Variants in ZNF239 observed in about 807,000 individuals in gnomAD.
The protein encoded by ZNF239 is zinc finger protein 239.
A neutral mutation model predicts 27.5 loss-of-function variants in ZNF239; 16 were observed. The ratio of observed to expected loss-of-function variants is 0.58; its 90% CI spans 0.39 to 0.88. The LOEUF (loss-of-function observed/expected upper bound fraction) is 0.88, where lower values mean the gene tolerates loss of function less well. ZNF239 is among the 40% of genes least tolerant of loss of function. The pLI, the probability that ZNF239 is intolerant of heterozygous loss-of-function variation, is 0.00. For synonymous variants in ZNF239, 199 were observed against 192.6 expected, an observed-to-expected ratio of 1.03 and a Z score of -0.27; for missense variants, 527 against 551.9, an observed-to-expected ratio of 0.95 and a Z score of 0.45.
At chr10:43,569,661 T>G (rs1043940689) in intron 2 of ZNF239, among the ~76,000 whole-genome samples, 10 of 152,214 alleles carry the variant, frequency 6.6e-5, no homozygotes, top group African/African-American at 2.4e-4. Flanking sequence ...CCTGTATATA[T>G]CATTTTCCTG....
intron 3 of ZNF239, among the ~76,000 whole-genome samples, chr10:43,561,743 G>T (rs1057342867): frequency 3.9e-5 from 6 of 152,134 alleles, no homozygotes; most frequent in Non-Finnish European, 5.9e-5. Flanking sequence ...CAGCATTTTG[G>T]GAGGTTGAGG....
chr10:43,572,225 C>G (rs1445112921), intron 2 of ZNF239, among the ~76,000 whole-genome samples: 1 of 152,172 alleles, frequency 6.6e-6, no homozygotes, highest in Non-Finnish European at 1.5e-5. Context: ...CCAGTTGCAG[C>G]GGCAGTGAAT....
At chr10:43,563,295 G>C (rs894473597) in intron 3 of ZNF239, among the ~76,000 whole-genome samples, 2 of 151,972 alleles carry the variant, frequency 1.3e-5, no homozygotes, top group African/African-American at 4.8e-5. Flanking sequence ...CAGCCTGGGC[G>C]ACAGAGTGAG....
In ZNF239 at chr10:43,557,475, G is replaced by A; in HGVS notation, c.605C>T (p.Thr202Ile). The A allele has an allele frequency of 6.2e-7, 1 of 1,614,150 alleles. No homozygotes were observed. Among genetic ancestry groups the A allele is most frequent in the Non-Finnish European group, 8.5e-7 (1 of 1,180,002 alleles). Residue 202 changes from threonine (T) to isoleucine (I), a missense_variant, in exon 4 of 4, where the codon ACT (threonine) becomes ATT (isoleucine). Coordinates refer to ENST00000374446, the MANE Select transcript of ZNF239 (RefSeq NM_001099282.2). ...PDGHPYEKIHTAEKQYECSQC... is the reference protein window; with the variant it reads ...PDGHPYEKIHIAEKQYECSQC... The stretch of plus-strand genomic sequence containing the variant: ...ACTACATTCGTATTGTTTCTCTGCA[G>A]TGTGGATTTTCTCATATGGATGACC...
At chr10:43,570,916 G>C in intron 2 of ZNF239, 1 of 984,762 alleles carries the variant, frequency 1.0e-6, no homozygotes, top group Non-Finnish European at 1.2e-6. Context: ...CTTTGTGGTA[G>C]GTAAAAAAAA....
intron 3 of ZNF239, among the ~76,000 whole-genome samples, chr10:43,567,498 C>T (rs541185828): frequency 1.3e-5 from 2 of 152,200 alleles, no homozygotes; most frequent in Admixed American, 6.5e-5. Context: ...TCCCTGCTTT[C>T]GACACAGACT....
At position 43,558,467 on chromosome 10, in the gene ZNF239, G is replaced by C. The variant is rs75754324; in HGVS notation, c.-92-296C>G. On this transcript the variant is annotated intron_variant, in intron 3 of 3. Transcript: ENST00000374446. ...CTCATCTCACTTCATTTTTTTTTTT[G>C]AGACAGAGTTTCACTCTGCTGCCCA... 3.9e-4 allele frequency among the ~76,000 whole-genome samples: 57 copies of C among 145,906 alleles called. 2 individuals are homozygous for C. In the South Asian group the frequency reaches 0.012, roughly 31 times the overall value.
intron 1 of ZNF239, among the ~76,000 whole-genome samples, chr10:43,574,175 C>A (rs1409008141): frequency 6.6e-6 from 1 of 152,232 alleles, no homozygotes; most frequent in East Asian, 1.9e-4. Context: ...CACCGAAAAC[C>A]CCCCTGCAAT....
intron 3 of ZNF239, among the ~76,000 whole-genome samples, chr10:43,560,060 A>C (rs963892588): frequency 1.3e-5 from 2 of 152,248 alleles, no homozygotes; most frequent in African/African-American, 2.4e-5. Context: ...TCCTAATTCA[A>C]CTTAGGCATT....
In ZNF239 at chr10:43,557,614, C is replaced by CT; in HGVS notation, c.465dup (p.Asp156ArgfsTer13). 6.2e-7 allele frequency: 1 copy of CT among 1,614,194 alleles called. No homozygotes were observed. ...ACCTGTGATTTCCATCCATGAATGT[C>CT]TTTGCAGTTACAGTCAATGGGATCC... On this transcript the variant is annotated frameshift_variant, in exon 4 of 4. Coordinates refer to ENST00000374446, the MANE Select transcript of ZNF239 (RefSeq NM_001099282.2). LOFTEE classifies it high-confidence loss of function.
At chr10:43,563,610 G>A (rs1837425863) in intron 3 of ZNF239, among the ~76,000 whole-genome samples, 1 of 152,278 alleles carries the variant, frequency 6.6e-6, no homozygotes. Flanking sequence ...AAAGAAAAAT[G>A]TTGAACAAGT....
intron 3 of ZNF239, among the ~76,000 whole-genome samples, chr10:43,566,340 G>C (rs887092709): frequency 2.0e-5 from 3 of 151,894 alleles, no homozygotes; most frequent in Non-Finnish European, 4.4e-5. Context: ...GGGCAGGAGT[G>C]CAGTAGTGTC....
At chr10:43,571,733 T>G (rs1427292503) in intron 2 of ZNF239, among the ~76,000 whole-genome samples, 2 of 152,074 alleles carry the variant, frequency 1.3e-5, no homozygotes, top group East Asian at 3.9e-4. Flanking sequence ...AATTTTTGTA[T>G]TTTTAGTAGA....
intron 3 of ZNF239, among the ~76,000 whole-genome samples, chr10:43,559,790 A>G (rs555739128): frequency 2.6e-5 from 4 of 152,356 alleles, no homozygotes; most frequent in South Asian, 2.1e-4. Flanking sequence ...AAAGGCTGAT[A>G]TCATCAGAAT....
chr10:43,559,881 C>T (rs1038960625), intron 3 of ZNF239, among the ~76,000 whole-genome samples: 4 of 152,136 alleles, frequency 2.6e-5, no homozygotes, highest in Non-Finnish European at 5.9e-5. Context: ...AAATGTACAG[C>T]TCAAATTATG....
At chr10:43,563,588 C>T (rs1276898202) in intron 3 of ZNF239, among the ~76,000 whole-genome samples, 1 of 152,098 alleles carries the variant, frequency 6.6e-6, no homozygotes, top group East Asian at 1.9e-4. Context: ...ACTTTTATGT[C>T]TTACTTGCAT....
intron 3 of ZNF239, among the ~76,000 whole-genome samples, chr10:43,561,334 A>AAACAAAC (rs1837235224): frequency 2.7e-5 from 4 of 150,846 alleles, no homozygotes; most frequent in Admixed American, 2.6e-4. Context: ...CTTCAAGGAA[A>AAACAAAC]AAACAAACAA....
chr10:43,566,712 T>C (rs1837673142), intron 3 of ZNF239, among the ~76,000 whole-genome samples: 1 of 152,256 alleles, frequency 6.6e-6, no homozygotes, highest in Admixed American at 6.5e-5. Context: ...TATTTTTTAA[T>C]GGCTACATAC....
Position 43,557,091 on chromosome 10 carries a change from TGACTGAA to T in ZNF239, c.982_988del (p.Phe328SerfsTer131). ...CTGGTGGATGTGCAGGTTTGAGCGC[TGACTGAA>T]GCTCATACCACACTCCTCACACTCA... is the stretch of plus-strand genomic sequence containing the variant. On this transcript the variant is annotated frameshift_variant, in exon 4 of 4. Coordinates refer to ENST00000374446, the MANE Select transcript of ZNF239 (RefSeq NM_001099282.2). LOFTEE classifies it high-confidence loss of function. The T allele has an allele frequency of 2.5e-6, 4 of 1,612,796 alleles. No homozygotes were observed. The highest frequency in any genetic ancestry group is 3.4e-6 in the Non-Finnish European group (4 of 1,179,112).
Sources: gnomAD v4.1 joint callset for allele counts (sites outside exome capture counted in the v4.1 genomes callset) on GRCh38, gnomAD v4.1.1 for gene constraint, MANE v1.5 for transcripts, NCBI Gene and HGNC (gene_info 2026-07-23, HGNC 2026-07-21) for gene names.